The following TMEFF2 variants were observed in gnomAD, a reference collection of about 807,000 sequenced individuals.
TMEFF2 encodes transmembrane protein with EGF like and two follistatin like domains 2, also known as tomoregulin-2.
TMEFF2 carries 28 observed loss-of-function variants against 53.8 expected under a neutral mutation model. The observed-to-expected ratio is 0.52, with a 90% CI of 0.39 to 0.71. The LOEUF (loss-of-function observed/expected upper bound fraction) is 0.71, where lower values mean the gene tolerates loss of function less well. Ranked by LOEUF, TMEFF2 falls within the 30% of genes least tolerant of loss-of-function variation. TMEFF2 has a pLI of 0.00. For missense variants in TMEFF2, 353 were observed against 455.2 expected (o/e 0.78, Z 2.04); for synonymous variants, 162 against 166.3 (o/e 0.97, Z 0.20).
chr2:192,077,776 A>G (rs984673944), intron 4 of TMEFF2, among the ~76,000 whole-genome samples: 1 of 151,778 alleles, frequency 6.6e-6, no homozygotes, highest in African/African-American at 2.4e-5. Flanking sequence ...ATATACTTGT[A>G]CACATACAAT....
At chr2:192,045,044 C>G (rs1337042821) in intron 5 of TMEFF2, among the ~76,000 whole-genome samples, 1 of 152,188 alleles carries the variant, frequency 6.6e-6, no homozygotes, top group Non-Finnish European at 1.5e-5. Context: ...ACTCCTATTA[C>G]AGGACCTTCT....
chr2:192,104,118 C>T (rs546133561), intron 4 of TMEFF2, among the ~76,000 whole-genome samples: 9 of 152,212 alleles, frequency 5.9e-5, no homozygotes, highest in African/African-American at 2.2e-4. Context: ...AGAGAGAGAA[C>T]AAGAGATAAA....
intron 4 of TMEFF2, among the ~76,000 whole-genome samples, chr2:192,081,893 C>T (rs1368018994): frequency 6.6e-6 from 1 of 151,326 alleles, no homozygotes; most frequent in Non-Finnish European, 1.5e-5. Flanking sequence ...CGCCACCTCC[C>T]GGGTTCATGC....
At chr2:192,069,338 T>C (rs551073030) in intron 4 of TMEFF2, among the ~76,000 whole-genome samples, 1 of 140,886 alleles carries the variant, frequency 7.1e-6, no homozygotes, top group African/African-American at 2.5e-5. Context: ...CCCAGCGCCT[T>C]AGGTTTCATT....
chr2:191,958,459 G>A (rs930171196), intron 7 of TMEFF2, among the ~76,000 whole-genome samples: 1 of 152,118 alleles, frequency 6.6e-6, no homozygotes, highest in Admixed American at 6.6e-5. Flanking sequence ...AGAATGTCAA[G>A]AATTTTTTAA....
chr2:192,148,768 A>C (rs1315031096), intron 4 of TMEFF2, among the ~76,000 whole-genome samples: 2 of 152,034 alleles, frequency 1.3e-5, no homozygotes. Context: ...CTGCCTCTGG[A>C]ATAAAAACAC....
chr2:191,966,167 A>G (rs76846635), intron 7 of TMEFF2, among the ~76,000 whole-genome samples: 3 of 152,188 alleles, frequency 2.0e-5, no homozygotes, highest in Non-Finnish European at 2.9e-5. Context: ...ACTTTGCTTC[A>G]TGGGAACAAC....
At chr2:192,076,302 T>G (rs975010808) in intron 4 of TMEFF2, among the ~76,000 whole-genome samples, 1 of 152,160 alleles carries the variant, frequency 6.6e-6, no homozygotes, top group African/African-American at 2.4e-5. Context: ...CCTATTCTCT[T>G]TCTTCCTTTC....
At chr2:192,190,904 A>G (rs1241954507) in intron 2 of TMEFF2, among the ~76,000 whole-genome samples, 1 of 152,050 alleles carries the variant, frequency 6.6e-6, no homozygotes, top group South Asian at 2.1e-4. Flanking sequence ...TATTCTTACA[A>G]TCTTAGAAAA....
rs547188870 is a variant in TMEFF2 at position 192,120,727 on chromosome 2, T to G, written c.439+58941A>C. On this transcript the variant is annotated intron_variant, in intron 4 of 9. Coordinates refer to ENST00000272771, the MANE Select transcript of TMEFF2 (RefSeq NM_016192.4). Reference sequence around the variant, plus strand: ...GTTATAGTATCCACTCTTTCATAAATTTATTGAATAAACATTTTTTTTTTT... The same window carrying G: ...GTTATAGTATCCACTCTTTCATAAAGTTATTGAATAAACATTTTTTTTTTT... 2.2e-4 allele frequency among the ~76,000 whole-genome samples: 34 copies of G among 152,248 alleles called. No individual in the cohort carries two copies. The East Asian group carries it at 6.6e-3, about 29-fold the overall frequency.
At chr2:192,169,265 T>C (rs1377031254) in intron 4 of TMEFF2, among the ~76,000 whole-genome samples, 1 of 152,144 alleles carries the variant, frequency 6.6e-6, no homozygotes, top group Non-Finnish European at 1.5e-5. Context: ...TCATTGACTT[T>C]AGTCTTGGAA....
intron 7 of TMEFF2, among the ~76,000 whole-genome samples, chr2:191,964,341 T>C (rs913408445): frequency 6.4e-5 from 3 of 47,206 alleles, no homozygotes; most frequent in Admixed American, 2.7e-4. Flanking sequence ...TCCTTCTTTC[T>C]TTCTTTCTTT....
intron 4 of TMEFF2, among the ~76,000 whole-genome samples, chr2:192,096,650 TTCTCTC>T (rs138683139): frequency 9.7e-5 from 2 of 20,692 alleles, no homozygotes; most frequent in Admixed American, 6.2e-4. Flanking sequence ...TCTTCCTTCC[TTCTCTC>T]TCTCTCTCTC....
intron 7 of TMEFF2, among the ~76,000 whole-genome samples, chr2:191,978,863 A>G (rs1205669663): frequency 6.6e-6 from 1 of 152,186 alleles, no homozygotes; most frequent in Admixed American, 6.5e-5. Flanking sequence ...CGTAGCCTCA[A>G]CTTGGAAAGC....
Position 191,949,668 on chromosome 2 carries a change from TATA to T in TMEFF2, c.*640_*642del, listed in dbSNP as rs1691809901. ...TTTTCTTTCCCTCTCCTTTATGAGT[TATA>T]AAACACTTTCCCTCCCCTTCTTCTT... On this transcript the variant is annotated 3_prime_UTR_variant, in exon 10 of 10. Coordinates refer to ENST00000272771, the MANE Select transcript of TMEFF2 (RefSeq NM_016192.4). 8 of 985,384 alleles carry T rather than the reference TATA, an allele frequency of 8.1e-6. No homozygotes were observed. Among genetic ancestry groups the T allele is most frequent in the South Asian group, 4.7e-5 (1 of 21,282 alleles). The allele number at this position is 985,384 out of a possible 1,614,324, so 61.0% of individuals were successfully genotyped here. A position where few individuals can be genotyped will look rare whatever the true frequency, so the allele number is the denominator to read the frequency against.
chr2:192,126,993 A>C (rs936325326), intron 4 of TMEFF2, among the ~76,000 whole-genome samples: 3 of 152,192 alleles, frequency 2.0e-5, no homozygotes, highest in African/African-American at 7.2e-5. Flanking sequence ...CTTAGAACTG[A>C]TATTTAATTA....
At chr2:192,092,375 CAA>C (rs1442115226) in intron 4 of TMEFF2, among the ~76,000 whole-genome samples, 2 of 151,994 alleles carry the variant, frequency 1.3e-5, no homozygotes, top group African/African-American at 4.8e-5. Context: ...ATGTGGTACA[CAA>C]AGATACTTTA....
chr2:192,007,976 C>T (rs1030723798), intron 5 of TMEFF2, among the ~76,000 whole-genome samples: 2 of 152,128 alleles, frequency 1.3e-5, no homozygotes, highest in Non-Finnish European at 2.9e-5. Context: ...GTACTACGTT[C>T]CAAACTAGAA....
At chr2:192,097,147 T>G (rs1203424071) in intron 4 of TMEFF2, among the ~76,000 whole-genome samples, 2 of 152,244 alleles carry the variant, frequency 1.3e-5, no homozygotes, top group Admixed American at 6.5e-5. Flanking sequence ...AAGTATTTAT[T>G]GAGATGATTT....
Sources: allele counts gnomAD v4.1 joint callset (sites outside exome capture counted in the v4.1 genomes callset), GRCh38; gene constraint gnomAD v4.1.1; transcripts MANE v1.5; gene names NCBI Gene and HGNC (gene_info 2026-07-23, HGNC 2026-07-21).